The following SPPL3 variants were observed in gnomAD, a reference collection of about 807,000 sequenced individuals.
The protein encoded by SPPL3 is signal peptide peptidase-like 3.
In SPPL3, 5 loss-of-function variants were observed where a neutral mutation model predicts 42.4. The observed-to-expected ratio is 0.12, with a 90% CI of 0.06 to 0.25. The LOEUF (loss-of-function observed/expected upper bound fraction) is 0.25. Ranked by LOEUF, SPPL3 falls within the 10% of genes least tolerant of loss-of-function variation. The pLI is 1.00. For synonymous variants in SPPL3, 195 were observed against 181.8 expected (o/e 1.07, Z -0.58); for missense variants, 235 against 489.0 (o/e 0.48, Z 4.90).
At chr12:120,845,882 CTA>C (rs1197782314) in intron 1 of SPPL3, among the ~76,000 whole-genome samples, 1 of 151,900 alleles carries the variant, frequency 6.6e-6, no homozygotes, top group Non-Finnish European at 1.5e-5. Flanking sequence ...ATCTATCTAT[CTA>C]TCTATCTATC....
intron 1 of SPPL3, among the ~76,000 whole-genome samples, chr12:120,873,997 T>C (rs1003337970): frequency 5.9e-5 from 9 of 152,098 alleles, no homozygotes; most frequent in African/African-American, 1.4e-4. Context: ...CAGTGATACA[T>C]AGTTTTCAAA....
At chr12:120,789,616 G>A (rs1050145258) in intron 3 of SPPL3, among the ~76,000 whole-genome samples, 4 of 151,444 alleles carry the variant, frequency 2.6e-5, no homozygotes, top group African/African-American at 9.7e-5. Context: ...CTTGAGATCA[G>A]GAGTTTGAGA....
chr12:120,898,641 A>C (rs1308522548), intron 1 of SPPL3, among the ~76,000 whole-genome samples: 1 of 152,098 alleles, frequency 6.6e-6, no homozygotes, highest in Non-Finnish European at 1.5e-5. Flanking sequence ...AGGCTAATAC[A>C]GGAACTCAAG....
chr12:120,888,717 A>G (rs1873540961), intron 1 of SPPL3, among the ~76,000 whole-genome samples: 1 of 152,208 alleles, frequency 6.6e-6, no homozygotes, highest in African/African-American at 2.4e-5. Flanking sequence ...TATAAAAATG[A>G]TTGTGGTGAC....
chr12:120,810,997 AGG>A, intron 1 of SPPL3, 111 bp from the exon 2 acceptor site: 1 of 602,752 alleles, frequency 1.7e-6, no homozygotes, highest in Non-Finnish European at 2.8e-6. Context: ...ATCTTTAAGA[AGG>A]AAAAAAGGTA....
In SPPL3 at chr12:120,768,251, T is replaced by A. The variant is rs1322172697; in HGVS notation, c.773+74A>T. ...GGTTGGGATCAGAATGCTGATGACATTAGAGACTGATCAAGGCCGGGAACA... is the reference window on the plus strand; with the variant it reads ...GGTTGGGATCAGAATGCTGATGACAATAGAGACTGATCAAGGCCGGGAACA... On this transcript the variant is annotated intron_variant, in intron 8 of 10. Coordinates refer to ENST00000353487, the MANE Select transcript of SPPL3 (RefSeq NM_139015.5). 5 of 1,524,234 alleles carry A rather than the reference T, an allele frequency of 3.3e-6. No individual in the cohort carries two copies. In the East Asian group the frequency reaches 1.1e-4, roughly 35 times the overall value. 94.4% of individuals were successfully genotyped at this position (1,524,234 alleles called of 1,614,324 possible).
At chr12:120,787,376 C>T (rs755880868) in intron 3 of SPPL3, among the ~76,000 whole-genome samples, 4 of 152,072 alleles carry the variant, frequency 2.6e-5, no homozygotes, top group Non-Finnish European at 5.9e-5. Context: ...TAAAATTCCA[C>T]TTAATACTAC....
At chr12:120,765,496 C>T (rs768185830) in intron 10 of SPPL3, among the ~76,000 whole-genome samples, 33 of 152,218 alleles carry the variant, frequency 2.2e-4, no homozygotes, top group South Asian at 8.3e-4. Context: ...CCATATTGGC[C>T]AGGCTGGTCC....
intron 6 of SPPL3, chr12:120,769,412 C>G (rs1869032963): frequency 5.4e-6 from 1 of 186,180 alleles, no homozygotes; most frequent in Non-Finnish European, 1.1e-5. Flanking sequence ...CCCTAGATAG[C>G]ACCCCCTTTC....
At chr12:120,802,282 C>G (rs1870325282) in intron 2 of SPPL3, among the ~76,000 whole-genome samples, 1 of 150,968 alleles carries the variant, frequency 6.6e-6, no homozygotes, top group South Asian at 2.1e-4. Flanking sequence ...GTTAAGACAA[C>G]TAGGTCTGTA....
rs377681471 is a variant in SPPL3 at position 120,782,075 on chromosome 12, G to T, written c.502+580C>A. Among the ~76,000 whole-genome samples, 7 of 151,810 alleles carry T rather than the reference G, an allele frequency of 4.6e-5. No homozygotes were observed. In the South Asian group the frequency reaches 1.3e-3, roughly 27 times the overall value. On this transcript the variant is annotated intron_variant, in intron 6 of 10. Coordinates refer to ENST00000353487, the MANE Select transcript of SPPL3 (RefSeq NM_139015.5). ...TGTAGAAATGGGATCTTGCTATGTTGTCCAGACTGGTCTTGAACTCTTGGT... is the reference window on the plus strand; with the variant it reads ...TGTAGAAATGGGATCTTGCTATGTTTTCCAGACTGGTCTTGAACTCTTGGT...
At chr12:120,828,964 T>C (rs1158738587) in intron 1 of SPPL3, among the ~76,000 whole-genome samples, 2 of 151,994 alleles carry the variant, frequency 1.3e-5, no homozygotes, top group African/African-American at 4.8e-5. Flanking sequence ...GGTCTCTCTA[T>C]GTTGCCCAGG....
chr12:120,813,373 A>G (rs1870751246), intron 1 of SPPL3, among the ~76,000 whole-genome samples: 2 of 147,474 alleles, frequency 1.4e-5, no homozygotes, highest in Non-Finnish European at 3.0e-5. Context: ...GCTGGAGTGC[A>G]ATGGCACGAT....
intron 1 of SPPL3, among the ~76,000 whole-genome samples, chr12:120,855,085 T>A (rs1317781652): frequency 2.6e-5 from 4 of 152,108 alleles, no homozygotes; most frequent in Admixed American, 2.6e-4. Context: ...GAACTCATTA[T>A]CCCTCCAGCC....
chr12:120,892,054 A>G (rs1291289456), intron 1 of SPPL3, among the ~76,000 whole-genome samples: 1 of 152,108 alleles, frequency 6.6e-6, no homozygotes, highest in Non-Finnish European at 1.5e-5. Flanking sequence ...TAACCATTTT[A>G]TTTCTGTACT....
At chr12:120,791,862 A>C (rs2136986271) in intron 2 of SPPL3, 1 of 301,974 alleles carries the variant, frequency 3.3e-6, no homozygotes, top group South Asian at 3.3e-5. Flanking sequence ...GAAATGTCAA[A>C]GGGCAAGCAC....
At chr12:120,770,438 A>C (rs1289165814) in intron 6 of SPPL3, among the ~76,000 whole-genome samples, 1 of 152,048 alleles carries the variant, frequency 6.6e-6, no homozygotes, top group African/African-American at 2.4e-5. Flanking sequence ...CATAAATTAG[A>C]TGTTATCATT....
chr12:120,869,059 TAAAGA>T (rs1872847557), intron 1 of SPPL3, among the ~76,000 whole-genome samples: 1 of 152,114 alleles, frequency 6.6e-6, no homozygotes, highest in Non-Finnish European at 1.5e-5. Flanking sequence ...ATATGGGGAA[TAAAGA>T]AAAGGAAGCT....
chr12:120,790,396 A>G lies in SPPL3; in HGVS notation c.190+1073T>C, dbSNP rs985276302. On this transcript the variant is annotated intron_variant, in intron 3 of 10. Transcript: ENST00000353487. The stretch of plus-strand genomic sequence containing the variant: ...ATAACTGGAGAAACTAAGATACACA[A>G]TAAGTGATCTCTTTTCAATTTAACA... Among the ~76,000 whole-genome samples the G allele has an allele frequency of 3.3e-5, 5 of 152,222 alleles. No homozygotes were observed. In the East Asian group the frequency reaches 5.8e-4, roughly 18 times the overall value.
Sources: gnomAD v4.1 joint callset for allele counts (sites outside exome capture counted in the v4.1 genomes callset) on GRCh38, gnomAD v4.1.1 for gene constraint, MANE v1.5 for transcripts, NCBI Gene and HGNC (gene_info 2026-07-23, HGNC 2026-07-21) for gene names.